The following RYR3 variants were observed in gnomAD, a reference collection of about 807,000 sequenced individuals.
The protein encoded by RYR3 is brain ryanodine receptor-calcium release channel.
Under a neutral mutation model 584.3 loss-of-function variants are expected in RYR3, and 207 were observed. The ratio of observed to expected loss-of-function variants is 0.35; its 90% CI spans 0.32 to 0.40. The LOEUF is 0.40. Among genes scored for constraint, RYR3 ranks in the 10% least tolerant of loss-of-function variants. RYR3 has a pLI of 1.00. For synonymous variants in RYR3, 2,416 were observed against 2,248.5 expected, an observed-to-expected ratio of 1.07 and a Z score of -2.11; for missense variants, 5,616 against 6,089.2, an observed-to-expected ratio of 0.92 and a Z score of 2.59.
Position 33,663,721 on chromosome 15 carries a change from C to T in RYR3, c.5603C>T (p.Ser1868Leu). Reference sequence around the variant, plus strand: ...GCCCGGAAGACCAAGGAGTTCCGCTCACCCCCACAGGAGCAGGTGAGGGTC... The same window carrying T: ...GCCCGGAAGACCAAGGAGTTCCGCTTACCCCCACAGGAGCAGGTGAGGGTC... Reference protein sequence around the residue: ...LTARKTKEFRSPPQEQINMLL... With the variant: ...LTARKTKEFRLPPQEQINMLL... The change falls in exon 36 of 104, where the codon TCA becomes TTA. Residue 1868 changes from serine to leucine, a missense_variant. Physicochemically the swap from Ser to Leu is moderately radical, Grantham distance 145. Transcript: ENST00000634891. 1 of 1,607,398 alleles carries T rather than the reference C, an allele frequency of 6.2e-7. No homozygotes were observed. Among genetic ancestry groups the T allele is most frequent in the Non-Finnish European group, 8.5e-7 (1 of 1,177,574 alleles).
At position 33,729,009 on chromosome 15, in the gene RYR3, T is replaced by G. The variant is rs2068702110; in HGVS notation, c.7186T>G (p.Ser2396Ala). 6.2e-7 allele frequency: 1 copy of G among 1,613,756 alleles called. No individual in the cohort carries two copies. Among genetic ancestry groups the G allele is most frequent in the Non-Finnish European group, 8.5e-7 (1 of 1,179,830 alleles). The change falls in exon 47 of 104, where the codon TCT (serine) becomes GCT (alanine). Residue 2396 changes from serine to alanine, a missense_variant. Ser to Ala is a moderately conservative substitution (Grantham distance 99). Coordinates refer to ENST00000634891, the MANE Select transcript of RYR3 (RefSeq NM_001036.6). Reference sequence around the variant, plus strand: ...TGGATTTTTACCTGACCTAAGAGCTTCTGCCTCTCTAGATACAGTAAGTTG... The same window carrying G: ...TGGATTTTTACCTGACCTAAGAGCTGCTGCCTCTCTAGATACAGTAAGTTG... ...EVGFLPDLRA[S>A]ASLDTVSLST...
intron 3 of RYR3, among the ~76,000 whole-genome samples, chr15:33,521,240 G>A (rs2053961631): frequency 6.6e-6 from 1 of 152,088 alleles, no homozygotes; most frequent in Non-Finnish European, 1.5e-5. Context: ...AATCTAAGTT[G>A]GTGTTTTCCT....
At chr15:33,442,232 TAA>T (rs1567244683) in intron 1 of RYR3, among the ~76,000 whole-genome samples, 2 of 152,220 alleles carry the variant, frequency 1.3e-5, no homozygotes, top group Non-Finnish European at 2.9e-5. Flanking sequence ...ACCTTTTTTC[TAA>T]GAGAGGAAAT....
In RYR3 at chr15:33,806,722, C is replaced by T. The variant is rs568287437; in HGVS notation, c.10012-833C>T. Among the ~76,000 whole-genome samples the T allele has an allele frequency of 3.0e-4, 46 of 151,600 alleles. 1 individual carries two copies. In the South Asian group the frequency reaches 3.8e-3, roughly 12 times the overall value. On this transcript the variant is annotated intron_variant, in intron 69 of 103. Coordinates refer to ENST00000634891, the MANE Select transcript of RYR3 (RefSeq NM_001036.6). ...GTGATTCTGAATCACTTTGGATATT[C>T]CTAGAGTACTTTTTGTTAATAAATC...
chr15:33,860,597 CT>C lies in RYR3; in HGVS notation c.14304del (p.Ile4769LeufsTer8). 6.3e-7 allele frequency: 1 copy of C among 1,579,188 alleles called. No homozygotes were observed. The highest frequency in any genetic ancestry group is 1.2e-5 in the South Asian group (1 of 85,644). ...IVILLAIIQG[L>X]IIDAFGELRD... ...TGTCTTTGTATTTAACATTCCAGGT[CT>C]TATTATTGATGCTTTCGGAGAGCTA... On this transcript the variant is annotated frameshift_variant, in exon 101 of 104. Transcript: ENST00000634891. LOFTEE classifies it high-confidence loss of function.
At chr15:33,522,422 G>C (rs2054068345) in intron 3 of RYR3, among the ~76,000 whole-genome samples, 2 of 152,238 alleles carry the variant, frequency 1.3e-5, no homozygotes, top group South Asian at 4.2e-4. Flanking sequence ...AGATTTCTTA[G>C]GGGGGAAAAA....
At chr15:33,348,971 C>T (rs184190577) in intron 1 of RYR3, among the ~76,000 whole-genome samples, 112 of 152,094 alleles carry the variant, frequency 7.4e-4, no homozygotes, top group African/African-American at 2.6e-3. Context: ...TTTTCATTGT[C>T]TCTATAGTTT....
intron 52 of RYR3, 77 bp downstream of exon 52, chr15:33,742,521 ATC>A (rs1179629570): frequency 2.1e-6 from 2 of 938,914 alleles, no homozygotes; most frequent in African/African-American, 3.2e-5. Context: ...AGTCCTGGAA[ATC>A]TGCCTGATTT....
Position 33,785,878 on chromosome 15 carries a change from C to A in RYR3, c.9485C>A (p.Thr3162Asn). 6.2e-7 allele frequency: 1 copy of A among 1,613,922 alleles called. No individual in the cohort carries two copies. ...NLPPSTGPCCTKVTSEHLSLI... is the reference protein window; with the variant it reads ...NLPPSTGPCCNKVTSEHLSLI... ...CCCCCCAGCACAGGGCCATGCTGCACCAAGGTCACCTCTGAACACCTCAGT... is the reference window on the plus strand; with the variant it reads ...CCCCCCAGCACAGGGCCATGCTGCAACAAGGTCACCTCTGAACACCTCAGT... Residue 3162 changes from threonine to asparagine, a missense_variant, in exon 66 of 104, where the codon ACC becomes AAC. By Grantham distance (65) the Thr-to-Asn change is moderately conservative. This residue lies in a region of RYR3 where 954 missense variants were observed against 1,132.2 expected (regional missense o/e 0.84). Transcript: ENST00000634891.
At chr15:33,790,061 G>A (rs1481988938) in intron 67 of RYR3, among the ~76,000 whole-genome samples, 3 of 136,012 alleles carry the variant, frequency 2.2e-5, no homozygotes, top group South Asian at 2.4e-4. Flanking sequence ...GTGCGATCTC[G>A]GCTCACTACA....
chr15:33,404,976 G>A (rs2042925572), intron 1 of RYR3, among the ~76,000 whole-genome samples: 1 of 152,138 alleles, frequency 6.6e-6, no homozygotes, highest in South Asian at 2.1e-4. Flanking sequence ...CCAACTAGCT[G>A]TGTGACCTCG....
chr15:33,392,102 C>T (rs886860938), intron 1 of RYR3, among the ~76,000 whole-genome samples: 1 of 151,636 alleles, frequency 6.6e-6, no homozygotes, highest in African/African-American at 2.4e-5. Context: ...CCGTTTCCCC[C>T]ATTTGATCGT....
intron 77 of RYR3, 90 bp from the exon 78 acceptor site, chr15:33,820,666 C>A: frequency 1.0e-5 from 12 of 1,185,730 alleles, no homozygotes; most frequent in Non-Finnish European, 1.3e-5. Context: ...TGAATTACGT[C>A]CTGTCCCCTG....
At chr15:33,329,104 G>A (rs1203164717) in intron 1 of RYR3, among the ~76,000 whole-genome samples, 1 of 152,192 alleles carries the variant, frequency 6.6e-6, no homozygotes, top group Non-Finnish European at 1.5e-5. Context: ...TGGTCTGCAA[G>A]CCGAGGGACA....
intron 1 of RYR3, among the ~76,000 whole-genome samples, chr15:33,312,889 C>T (rs1208698146): frequency 6.6e-6 from 1 of 152,148 alleles, no homozygotes; most frequent in Non-Finnish European, 1.5e-5. Context: ...TTTGGTACAC[C>T]TGTAGCCAAG....
chr15:33,592,904 C>T (rs760887129), intron 16 of RYR3, among the ~76,000 whole-genome samples: 5 of 152,144 alleles, frequency 3.3e-5, no homozygotes, highest in Admixed American at 2.0e-4. Flanking sequence ...GAAGGTGGTC[C>T]GGGCACAGCT....
intron 1 of RYR3, among the ~76,000 whole-genome samples, chr15:33,392,045 C>G (rs942965747): frequency 6.6e-6 from 1 of 152,000 alleles, no homozygotes; most frequent in African/African-American, 2.4e-5. Context: ...TTATTCTGCA[C>G]TTTGTTTTCA....
At chr15:33,452,578 T>C (rs1394984316) in intron 1 of RYR3, among the ~76,000 whole-genome samples, 2 of 152,236 alleles carry the variant, frequency 1.3e-5, no homozygotes, top group African/African-American at 4.8e-5. Flanking sequence ...CAATATCTAC[T>C]GAGTACTTGT....
intron 2 of RYR3, among the ~76,000 whole-genome samples, chr15:33,488,679 C>A (rs567719898): frequency 2.0e-4 from 31 of 151,996 alleles, no homozygotes; most frequent in Middle Eastern, 3.4e-3. Context: ...GGTGAAACCC[C>A]GTCTCTACTA....
Sources: gnomAD v4.1 joint callset for allele counts (sites outside exome capture counted in the v4.1 genomes callset) on GRCh38, gnomAD v4.1.1 for gene constraint, gnomAD v4.1.1 regional missense constraint, MANE v1.5 for transcripts, NCBI Gene and HGNC (gene_info 2026-07-23, HGNC 2026-07-21) for gene names.